The following ADAMTSL1 variants were observed in gnomAD, a reference collection of about 807,000 sequenced individuals.
ADAMTSL1 encodes ADAMTS like 1.
A neutral mutation model predicts 201.8 loss-of-function variants in ADAMTSL1; 126 were observed. The ratio of observed to expected loss-of-function variants is 0.62; its 90% CI spans 0.54 to 0.72. The LOEUF (loss-of-function observed/expected upper bound fraction) is 0.72. Ranked by LOEUF, ADAMTSL1 falls within the 30% of genes least tolerant of loss-of-function variation. The probability of loss-of-function intolerance (pLI) is 0.00; values close to 1 mark genes in which losing one functional copy is unlikely to be tolerated. For synonymous variants in ADAMTSL1, 1,121 were observed against 903.4 expected (o/e 1.24, Z -4.32); for missense variants, 2,679 against 2,277.8 (o/e 1.18, Z -3.59).
chr9:18,308,372 G>T (rs1291591976), intron 2 of ADAMTSL1, among the ~76,000 whole-genome samples: 1 of 151,716 alleles, frequency 6.6e-6, no homozygotes, highest in Non-Finnish European at 1.5e-5. Flanking sequence ...ATAGAGACAC[G>T]AAAAACCCTT....
chr9:18,677,118 G>C (rs1003085852), intron 10 of ADAMTSL1, among the ~76,000 whole-genome samples: 2 of 151,714 alleles, frequency 1.3e-5, no homozygotes, highest in African/African-American at 4.8e-5. Context: ...AATATGTCTA[G>C]TGACTGGCAG....
rs1309549176 is a variant in ADAMTSL1, at chr9:18,426,227, A to G, written c.208-78602A>G. Among the ~76,000 whole-genome samples the G allele has an allele frequency of 2.6e-5, 4 of 152,094 alleles. No homozygotes were observed. The South Asian group carries it at 6.2e-4, about 24-fold the overall frequency. The stretch of plus-strand genomic sequence containing the variant: ...AGAATCCCTGCCTAGGGCCCAGTCC[A>G]CCGGCCAGCTATTATACATCCAGGA... On this transcript the variant is annotated intron_variant, in intron 2 of 29. Transcript: ENST00000680146.
chr9:18,062,238 A>C (rs76538738), intron 1 of ADAMTSL1, among the ~76,000 whole-genome samples: 9,938 of 152,234 alleles, frequency 0.065, 418 homozygotes, highest in Non-Finnish European at 0.091. Context: ...AAATGTCATG[A>C]TTGACTTGTA....
At chr9:18,437,180 C>A (rs1336284234) in intron 2 of ADAMTSL1, among the ~76,000 whole-genome samples, 1 of 152,106 alleles carries the variant, frequency 6.6e-6, no homozygotes, top group South Asian at 2.1e-4. Context: ...AACCCTCTTG[C>A]AAATCCACTG....
At chr9:18,817,382 G>A in intron 21 of ADAMTSL1, 145 bp downstream of exon 21, 1 of 746,620 alleles carries the variant, frequency 1.3e-6, no homozygotes. Flanking sequence ...CGCTCTGAAA[G>A]TAGAAAGTGC....
At chr9:18,797,447 A>T (rs778488420) in intron 20 of ADAMTSL1, among the ~76,000 whole-genome samples, 2 of 152,176 alleles carry the variant, frequency 1.3e-5, no homozygotes, top group African/African-American at 2.4e-5. Context: ...CAATAAATAA[A>T]ACCTGTGTTT....
chr9:18,158,226 G>C (rs1587184749), intron 1 of ADAMTSL1, among the ~76,000 whole-genome samples: 1 of 151,870 alleles, frequency 6.6e-6, no homozygotes, highest in African/African-American at 2.4e-5. Flanking sequence ...TGGCAAATAT[G>C]AGTTTAGAGA....
intron 4 of ADAMTSL1, among the ~76,000 whole-genome samples, chr9:18,609,001 A>G (rs1825205922): frequency 6.6e-6 from 1 of 152,162 alleles, no homozygotes; most frequent in Non-Finnish European, 1.5e-5. Context: ...CATTACATTC[A>G]ACTGGCATAT....
At chr9:18,385,244 C>A (rs1488398248) in intron 2 of ADAMTSL1, among the ~76,000 whole-genome samples, 3 of 152,082 alleles carry the variant, frequency 2.0e-5, no homozygotes, top group African/African-American at 7.2e-5. Flanking sequence ...GACCCTTTGC[C>A]TGCATTTCTT....
intron 10 of ADAMTSL1, among the ~76,000 whole-genome samples, chr9:18,676,858 A>C (rs1031010073): frequency 6.6e-5 from 10 of 152,080 alleles, no homozygotes; most frequent in Non-Finnish European, 1.3e-4. Context: ...AAAAATCTCC[A>C]AATACATAAT....
intron 1 of ADAMTSL1, among the ~76,000 whole-genome samples, chr9:18,022,640 T>G (rs986361499): frequency 6.6e-6 from 1 of 152,104 alleles, no homozygotes; most frequent in African/African-American, 2.4e-5. Context: ...TCAAGTATAT[T>G]ATATGGAAAC....
intron 2 of ADAMTSL1, among the ~76,000 whole-genome samples, chr9:18,164,161 A>G (rs986362738): frequency 6.6e-6 from 1 of 151,850 alleles, no homozygotes; most frequent in Non-Finnish European, 1.5e-5. Context: ...CAACTTTCTG[A>G]CTTTTCCTGG....
intron 15 of ADAMTSL1, among the ~76,000 whole-genome samples, chr9:18,748,997 C>T (rs965905019): frequency 6.6e-6 from 1 of 152,202 alleles, no homozygotes; most frequent in African/African-American, 2.4e-5. Context: ...AGATGCATCG[C>T]TCCAGTCTCT....
At chr9:18,772,702 G>A (rs989993249) in intron 17 of ADAMTSL1, among the ~76,000 whole-genome samples, 1 of 152,102 alleles carries the variant, frequency 6.6e-6, no homozygotes, top group Non-Finnish European at 1.5e-5. Context: ...TACTAAAAGT[G>A]AACCCTTATG....
chr9:18,872,258 G>A (rs1218649505), intron 23 of ADAMTSL1, among the ~76,000 whole-genome samples: 1 of 152,164 alleles, frequency 6.6e-6, no homozygotes, highest in Non-Finnish European at 1.5e-5. Context: ...CATAGAGGTA[G>A]CAACTGCTGA....
At chr9:18,814,950 G>GA (rs1211995787) in intron 20 of ADAMTSL1, among the ~76,000 whole-genome samples, 1 of 152,046 alleles carries the variant, frequency 6.6e-6, no homozygotes, top group Non-Finnish European at 1.5e-5. Context: ...ACAGGCATAT[G>GA]AAAAAATGCT....
intron 1 of ADAMTSL1, among the ~76,000 whole-genome samples, chr9:18,480,378 C>T (rs1252330354): frequency 6.6e-6 from 1 of 152,154 alleles, no homozygotes; most frequent in Non-Finnish European, 1.5e-5. Flanking sequence ...AACACTCTCT[C>T]TTTACCCACC....
intron 26 of ADAMTSL1, among the ~76,000 whole-genome samples, chr9:18,902,586 T>C (rs531836944): frequency 1.3e-5 from 2 of 151,282 alleles, no homozygotes; most frequent in Non-Finnish European, 3.0e-5. Flanking sequence ...TACCAAAATA[T>C]ATGGAGCACA....
chr9:18,853,932 A>G (rs1007474266), intron 23 of ADAMTSL1, among the ~76,000 whole-genome samples: 2 of 101,312 alleles, frequency 2.0e-5, no homozygotes, highest in African/African-American at 3.5e-5. Context: ...CGTGCATGCA[A>G]ATAGTTGATT....
Sources: allele counts gnomAD v4.1 joint callset (sites outside exome capture counted in the v4.1 genomes callset), GRCh38; gene constraint gnomAD v4.1.1; transcripts MANE v1.5; gene names NCBI Gene and HGNC (gene_info 2026-07-23, HGNC 2026-07-21).